Variants in ASPH observed in about 807,000 individuals in gnomAD.
The protein encoded by ASPH is aspartate beta-hydroxylase, also known as aspartyl/asparaginyl beta-hydroxylase.
Under a neutral mutation model 118.4 loss-of-function variants are expected in ASPH, and 100 were observed. That is an observed-to-expected ratio of 0.84 (90% CI 0.72 to 1.00). The LOEUF is 1.00. Among genes scored for constraint, ASPH ranks in the 50% least tolerant of loss-of-function variants. ASPH has a pLI of 0.00. For missense variants in ASPH, 920 were observed against 919.5 expected (o/e 1.00, Z -0.01); for synonymous variants, 315 against 325.6 (o/e 0.97, Z 0.35).
chr8:61,655,608 T>A (rs935746750), intron 3 of ASPH, among the ~76,000 whole-genome samples: 5 of 152,222 alleles, frequency 3.3e-5, no homozygotes, highest in Non-Finnish European at 7.3e-5. Context: ...AAAGTCATAA[T>A]GCTACGTGTT....
At chr8:61,612,374 G>GT (rs34515068) in intron 14 of ASPH, among the ~76,000 whole-genome samples, 1,940 of 137,970 alleles carry the variant, frequency 0.014, 43 homozygotes, top group African/African-American at 0.044. Context: ...AATGAACAAA[G>GT]TTTTTTTTTT....
At chr8:61,569,221 T>C (rs980937412) in intron 16 of ASPH, among the ~76,000 whole-genome samples, 1 of 152,148 alleles carries the variant, frequency 6.6e-6, no homozygotes, top group Non-Finnish European at 1.5e-5. Flanking sequence ...AAACTGAGAA[T>C]GGAGAGTAAA....
chr8:61,574,551 A>G (rs1236114920), intron 16 of ASPH, among the ~76,000 whole-genome samples: 2 of 152,160 alleles, frequency 1.3e-5, no homozygotes, highest in African/African-American at 4.8e-5. Flanking sequence ...TTTTACAGGG[A>G]CGTGGATGAA....
chr8:61,501,705 CTT>C lies in ASPH; in HGVS notation c.*1652_*1653del, dbSNP rs1804967805. ...TTTGGATATTTTTCCTCCCATGCCT[CTT>C]CATCTGATTTAGTGGGATGTTTTCA... On this transcript the variant is annotated 3_prime_UTR_variant, in exon 25 of 25. Transcript: ENST00000379454. The C allele has an allele frequency of 6.6e-6, 1 of 152,158 alleles. No homozygotes were observed. The highest frequency in any genetic ancestry group is 2.4e-5 in the African/African-American group (1 of 41,444). 9.4% of individuals were successfully genotyped at this position (152,158 alleles called of 1,614,324 possible).
chr8:61,641,971 A>T (rs1335780383), intron 10 of ASPH, among the ~76,000 whole-genome samples: 2 of 152,208 alleles, frequency 1.3e-5, no homozygotes, highest in Non-Finnish European at 2.9e-5. Flanking sequence ...TTAGCCATAC[A>T]TTCTTGGGCA....
At chr8:61,669,768 T>C (rs962885397) in intron 3 of ASPH, among the ~76,000 whole-genome samples, 4 of 152,130 alleles carry the variant, frequency 2.6e-5, no homozygotes, top group African/African-American at 4.8e-5. Context: ...TATTAAAACG[T>C]AGAGTGAGGA....
chr8:61,638,499 TAG>T (rs1858928218), intron 10 of ASPH, 136 bp from the exon 11 acceptor site: 6 of 739,492 alleles, frequency 8.1e-6, no homozygotes, highest in Non-Finnish European at 1.3e-5. Context: ...AACAGCCGAC[TAG>T]AGAGTAGGGT....
intron 13 of ASPH, chr8:61,628,323 CTTTTTTTTTTTT>C (rs398008041): frequency 4.1e-5 from 8 of 195,244 alleles, no homozygotes; most frequent in African/African-American, 1.7e-4. Context: ...CCAAGCCCGG[CTTTTTTTTTTTT>C]TTTTTTTTTT....
chr8:61,665,730 A>G, intron 3 of ASPH: 1 of 1,022,368 alleles, frequency 9.8e-7, no homozygotes, highest in Non-Finnish European at 1.4e-6. Context: ...CACATTCAGA[A>G]AGTTACTTTA....
At chr8:61,631,971 C>T (rs1302176342) in intron 13 of ASPH, 3 of 154,668 alleles carry the variant, frequency 1.9e-5, no homozygotes, top group African/African-American at 7.2e-5. Context: ...CCCTGATGAT[C>T]AATGGGGTGA....
At chr8:61,692,133 T>C (rs1042578688) in intron 1 of ASPH, among the ~76,000 whole-genome samples, 2 of 152,242 alleles carry the variant, frequency 1.3e-5, no homozygotes, top group Non-Finnish European at 2.9e-5. Context: ...TTTGCAATAA[T>C]TGAATAGTTA....
intron 3 of ASPH, among the ~76,000 whole-genome samples, chr8:61,672,835 A>ATGCTTTGTG (rs1278215292): frequency 6.6e-6 from 1 of 152,212 alleles, no homozygotes. Flanking sequence ...AAGCATTCCA[A>ATGCTTTGTG]ATATGCATTG....
At chr8:61,593,028 G>C (rs1303634054) in intron 14 of ASPH, among the ~76,000 whole-genome samples, 1 of 152,150 alleles carries the variant, frequency 6.6e-6, no homozygotes, top group Admixed American at 6.5e-5. Context: ...GGGGGATGTG[G>C]GTAGGCGCCC....
intron 3 of ASPH, among the ~76,000 whole-genome samples, chr8:61,671,345 A>C (rs905694801): frequency 2.6e-5 from 4 of 152,336 alleles, no homozygotes; most frequent in African/African-American, 9.6e-5. Context: ...GGGAAAAAAA[A>C]GAAAAAAGGG....
At chr8:61,638,277 G>A (rs1196981188) in intron 11 of ASPH, 45 bp downstream of exon 11, 4 of 1,583,174 alleles carry the variant, frequency 2.5e-6, no homozygotes, top group Non-Finnish European at 3.4e-6. Context: ...CAAAATACAG[G>A]GAAAGCTGAC....
chr8:61,574,859 T>TAAAAACAAACAAACAAAG (rs1183496648), intron 16 of ASPH, among the ~76,000 whole-genome samples: 196 of 151,924 alleles, frequency 1.3e-3, no homozygotes, highest in African/African-American at 4.6e-3. Context: ...AACAAACAAA[T>TAAAAACAAACAAACAAAG]AAACAAAACC....
intron 10 of ASPH, among the ~76,000 whole-genome samples, chr8:61,639,700 C>T (rs775384376): frequency 5.9e-5 from 9 of 152,180 alleles, no homozygotes; most frequent in Non-Finnish European, 1.2e-4. Flanking sequence ...CTCACAATCA[C>T]GAAGTAGACT....
chr8:61,699,822 G>T (rs1834812567), intron 1 of ASPH, among the ~76,000 whole-genome samples: 1 of 152,214 alleles, frequency 6.6e-6, no homozygotes, highest in Admixed American at 6.5e-5. Flanking sequence ...GTGCCTGCAG[G>T]GAGATTGACT....
chr8:61,521,494 G>A (rs1430281011), intron 22 of ASPH, among the ~76,000 whole-genome samples: 3 of 152,202 alleles, frequency 2.0e-5, no homozygotes, highest in Middle Eastern at 3.4e-3. Context: ...GCTAACAAGC[G>A]GTGCATCCAG....
Sources: allele counts gnomAD v4.1 joint callset (sites outside exome capture counted in the v4.1 genomes callset), GRCh38; gene constraint gnomAD v4.1.1; transcripts MANE v1.5; gene names NCBI Gene and HGNC (gene_info 2026-07-23, HGNC 2026-07-21).